Variants in CAPN11 observed in about 807,000 individuals in gnomAD.
CAPN11 encodes calpain-11.
CAPN11 carries 108 observed loss-of-function variants against 105.3 expected under a neutral mutation model. The observed-to-expected ratio is 1.03, with a 90% CI of 0.88 to 1.20. CAPN11 has a LOEUF of 1.20. Among genes scored for constraint, CAPN11 ranks in the 50% most tolerant of loss-of-function variants. The pLI, the probability that CAPN11 is intolerant of heterozygous loss-of-function variation, is 0.00. For synonymous variants in CAPN11, 329 were observed against 344.5 expected, an observed-to-expected ratio of 0.96 and a Z score of 0.50; for missense variants, 883 against 924.8, an observed-to-expected ratio of 0.95 and a Z score of 0.59.
At position 44,183,228 on chromosome 6, in the gene CAPN11, C is replaced by T. The variant is rs759961378; in HGVS notation, c.2127C>T (p.Thr709=). The stretch of plus-strand genomic sequence containing the variant: ...TCAGCTGTTTCCTGAGGCTAAAGAC[C>T]ATGTTCAGTGAGTTAGGCATCTACC... ...SFISCFLRLK[T]MFTFFLTMDP... The change falls in exon 21 of 23, where the codon ACC becomes ACT. Residue 709 remains threonine (T), a synonymous_variant. Coordinates refer to ENST00000398776, the MANE Select transcript of CAPN11 (RefSeq NM_007058.4). 2 of 1,604,810 alleles carry T rather than the reference C, an allele frequency of 1.2e-6. No individual in the cohort carries two copies. The highest frequency in any genetic ancestry group is 2.2e-5 in the South Asian group (2 of 90,898).
Position 44,169,976 on chromosome 6 carries a change from G to A in CAPN11, c.409+1G>A. On this transcript the variant is annotated splice_donor_variant, in intron 4 of 22. Coordinates refer to ENST00000398776, the MANE Select transcript of CAPN11 (RefSeq NM_007058.4). LOFTEE classifies it high-confidence loss of function. ...ACAGACATCTGCCAGGGGATCCTCG[G>A]TGAGTGGGGCACAGGAAGCTGGTCT... 6.2e-7 allele frequency: 1 copy of A among 1,608,704 alleles called. No homozygotes were observed. Among genetic ancestry groups the A allele is most frequent in the Non-Finnish European group, 8.5e-7 (1 of 1,177,036 alleles).
intron 5 of CAPN11, among the ~76,000 whole-genome samples, chr6:44,172,701 C>T (rs1771216618): frequency 2.0e-5 from 3 of 152,154 alleles, no homozygotes; most frequent in South Asian, 4.1e-4. Context: ...GTCTCTGTCA[C>T]ATAATTTTTG....
At chr6:44,180,895 A>G (rs769846687) in intron 17 of CAPN11, 38 bp from the exon 18 acceptor site, 3 of 1,608,464 alleles carry the variant, frequency 1.9e-6, no homozygotes, top group African/African-American at 2.7e-5. Context: ...TACCTCATTT[A>G]CCCTGTCTCT....
chr6:44,183,308 T>A, intron 21 of CAPN11, 73 bp downstream of exon 21: 1 of 909,354 alleles, frequency 1.1e-6, no homozygotes, highest in South Asian at 1.3e-5. Flanking sequence ...CCCACCCTGA[T>A]GGGTGCTGCT....
At chr6:44,182,474 C>G (rs1773940834) in intron 19 of CAPN11, among the ~76,000 whole-genome samples, 1 of 152,248 alleles carries the variant, frequency 6.6e-6, no homozygotes, top group Non-Finnish European at 1.5e-5. Context: ...GTGCCCCCGA[C>G]AACCCATGCT....
At chr6:44,161,791 C>T (rs575271523) in intron 1 of CAPN11, 4 of 456,162 alleles carry the variant, frequency 8.8e-6, no homozygotes, top group South Asian at 3.1e-5. Context: ...TCCTTCCAGG[C>T]CCCCAGGAGA....
chr6:44,183,297 AC>A (rs1582894088), intron 21 of CAPN11, 62 bp downstream of exon 21: 1 of 1,025,942 alleles, frequency 9.7e-7, no homozygotes, highest in Non-Finnish European at 1.5e-6. Flanking sequence ...TTTCCCAAAC[AC>A]CCACCCTGAT....
At chr6:44,172,471 A>G in intron 5 of CAPN11, 51 bp downstream of exon 5, 1 of 1,115,450 alleles carries the variant, frequency 9.0e-7, no homozygotes, top group Non-Finnish European at 1.3e-6. Flanking sequence ...CGGGGGAAGA[A>G]TCATATATGC....
Position 44,177,008 on chromosome 6 carries a change from G to C in CAPN11, c.1237+10G>C, listed in dbSNP as rs1772157426. 6.2e-7 allele frequency: 1 copy of C among 1,611,162 alleles called. No individual in the cohort carries two copies. Among genetic ancestry groups the C allele is most frequent in the African/African-American group, 1.3e-5 (1 of 74,876 alleles). On this transcript the variant is annotated intron_variant, in intron 11 of 22. Coordinates refer to ENST00000398776, the MANE Select transcript of CAPN11 (RefSeq NM_007058.4). ...TGCAGGAACCACCCTGGTGGGTGAG[G>C]GGTGAGAGGGGAGGGGGTGTGCAGG...
At chr6:44,181,432 A>G in intron 19 of CAPN11, 112 bp downstream of exon 19, 1 of 624,312 alleles carries the variant, frequency 1.6e-6, no homozygotes, top group South Asian at 1.8e-5. Flanking sequence ...ACACACACAC[A>G]CCCAACCACA....
At chr6:44,179,523 C>A in intron 12 of CAPN11, 96 bp from the exon 13 acceptor site, 1 of 1,113,650 alleles carries the variant, frequency 9.0e-7, no homozygotes, top group Non-Finnish European at 1.4e-6. Flanking sequence ...AACACACACA[C>A]ACAGACACAC....
intron 9 of CAPN11, 70 bp from the exon 10 acceptor site, chr6:44,176,511 G>A: frequency 6.9e-7 from 1 of 1,440,590 alleles, no homozygotes; most frequent in Non-Finnish European, 9.8e-7. Context: ...GGAAGAGGCA[G>A]TCCCCTGGAG....
At chr6:44,172,720 C>T (rs1771218424) in intron 5 of CAPN11, among the ~76,000 whole-genome samples, 1 of 152,038 alleles carries the variant, frequency 6.6e-6, no homozygotes, top group African/African-American at 2.4e-5. Context: ...TGTAATCTGC[C>T]CCTTTGACTT....
Position 44,183,594 on chromosome 6 carries a change from G to A in CAPN11, c.2135-111G>A, listed in dbSNP as rs561692995. Reference sequence around the variant, plus strand: ...CCCACTTGGCTAGGGGATTTATGTGGGGAACAGCCAGGAACACCTGGTGTC... The same window carrying A: ...CCCACTTGGCTAGGGGATTTATGTGAGGAACAGCCAGGAACACCTGGTGTC... On this transcript the variant is annotated intron_variant, in intron 21 of 22. Coordinates refer to ENST00000398776, the MANE Select transcript of CAPN11 (RefSeq NM_007058.4). The A allele has an allele frequency of 6.3e-4, 625 of 989,446 alleles. 2 individuals carry two copies. The highest frequency in any genetic ancestry group is 9.1e-4 in the South Asian group (66 of 72,442). The allele number at this position is 989,446 out of a possible 1,614,324, so 61.3% of individuals were successfully genotyped here.
chr6:44,177,157 G>A (rs1772202027), intron 11 of CAPN11, 85 bp from the exon 12 acceptor site: 12 of 1,493,658 alleles, frequency 8.0e-6, no homozygotes, highest in Admixed American at 2.1e-5. Context: ...CAGCTCCAGT[G>A]TGGCTGGGGA....
At chr6:44,172,108 C>T (rs558944105) in intron 4 of CAPN11, among the ~76,000 whole-genome samples, 194 bp from the exon 5 acceptor site, 22 of 152,230 alleles carry the variant, frequency 1.4e-4, no homozygotes, top group East Asian at 1.2e-3. Context: ...AGAGTCTCTC[C>T]GCCTTCAGTT....
chr6:44,181,082 C>G, intron 18 of CAPN11, 85 bp downstream of exon 18: 2 of 1,313,126 alleles, frequency 1.5e-6, no homozygotes, highest in Non-Finnish European at 2.2e-6. Flanking sequence ...CAGCCACGTC[C>G]TCCTCCCTGA....
At chr6:44,179,898 C>G (rs1772841899) in intron 13 of CAPN11, 54 bp from the exon 14 acceptor site, 1 of 1,419,208 alleles carries the variant, frequency 7.0e-7, no homozygotes, top group Admixed American at 1.7e-5. Flanking sequence ...CTGGGGGACC[C>G]TCCCTCCCTA....
chr6:44,172,403 G>T lies in CAPN11; in HGVS notation c.511G>T (p.Gly171Cys). 2 of 1,554,868 alleles carry T rather than the reference G, an allele frequency of 1.3e-6. No homozygotes were observed. Among genetic ancestry groups the T allele is most frequent in the Non-Finnish European group, 1.7e-6 (2 of 1,148,588 alleles). Residue 171 changes from glycine to cysteine, a missense_variant, in exon 5 of 23, where the codon GGC becomes TGC. Physicochemically the swap from Gly to Cys is radical, Grantham distance 159. Coordinates refer to ENST00000398776, the MANE Select transcript of CAPN11 (RefSeq NM_007058.4). Reference protein sequence around the residue: ...RGQSFKKNYAGIFHFQIWQFG... With the variant: ...RGQSFKKNYACIFHFQIWQFG... ...ACAGAGCTTCAAGAAAAACTATGCT[G>T]GCATCTTCCATTTTCAGGTGAAGGA...
Sources: gnomAD v4.1 joint callset for allele counts (sites outside exome capture counted in the v4.1 genomes callset) on GRCh38, gnomAD v4.1.1 for gene constraint, MANE v1.5 for transcripts, NCBI Gene and HGNC (gene_info 2026-07-23, HGNC 2026-07-21) for gene names.